Variants in PPP1R12B observed in about 807,000 individuals in gnomAD.
The protein encoded by PPP1R12B is protein phosphatase 1 regulatory subunit 12B.
Under a neutral mutation model 126.1 loss-of-function variants are expected in PPP1R12B, and 76 were observed. The ratio of observed to expected loss-of-function variants is 0.60; its 90% CI spans 0.50 to 0.73. The LOEUF (loss-of-function observed/expected upper bound fraction) is 0.73, where lower values mean the gene tolerates loss of function less well. Among genes scored for constraint, PPP1R12B ranks in the 30% least tolerant of loss-of-function variants. The pLI, the probability that PPP1R12B is intolerant of heterozygous loss-of-function variation, is 0.00. For missense variants in PPP1R12B, 1,052 were observed against 1,205.1 expected (o/e 0.87, Z 1.88); for synonymous variants, 356 against 434.7 (o/e 0.82, Z 2.25).
At position 202,436,405 on chromosome 1, in the gene PPP1R12B, G is replaced by T. The variant is rs545991892; in HGVS notation, c.1255-1416G>T. On this transcript the variant is annotated intron_variant, in intron 9 of 23. Transcript: ENST00000608999. ...TATTGAACCCCTAAAGCTGGAAGGG[G>T]TACGTAAATGTGTACATTCAGATGA... Among the ~76,000 whole-genome samples, 89 of 152,118 alleles carry T rather than the reference G, an allele frequency of 5.9e-4. 1 individual carries two copies. Among genetic ancestry groups the T allele is most frequent in the Non-Finnish European group, 8.7e-4 (59 of 68,020 alleles).
intron 18 of PPP1R12B, among the ~76,000 whole-genome samples, chr1:202,516,727 C>T (rs1291349614): frequency 3.3e-5 from 5 of 152,146 alleles, no homozygotes; most frequent in East Asian, 3.9e-4. Context: ...AAATTGTTTT[C>T]CCCTAACAAT....
At chr1:202,394,479 G>A (rs1664630256) in intron 1 of PPP1R12B, among the ~76,000 whole-genome samples, 1 of 152,116 alleles carries the variant, frequency 6.6e-6, no homozygotes, top group Non-Finnish European at 1.5e-5. Context: ...TTGGGGCCGG[G>A]CACAGTGGCT....
At chr1:202,387,650 A>G (rs1663378511) in intron 1 of PPP1R12B, among the ~76,000 whole-genome samples, 1 of 152,188 alleles carries the variant, frequency 6.6e-6, no homozygotes, top group African/African-American at 2.4e-5. Flanking sequence ...TGATTTATTA[A>G]AAGGCCAGTC....
intron 1 of PPP1R12B, among the ~76,000 whole-genome samples, chr1:202,351,404 A>G (rs567720752): frequency 6.6e-6 from 1 of 152,144 alleles, no homozygotes; most frequent in East Asian, 1.9e-4. Flanking sequence ...ATGCCCAGCT[A>G]ATTTTTGTAT....
intron 1 of PPP1R12B, among the ~76,000 whole-genome samples, chr1:202,377,080 C>A (rs920833495): frequency 6.6e-6 from 1 of 152,096 alleles, no homozygotes; most frequent in Non-Finnish European, 1.5e-5. Flanking sequence ...AGATTGGATA[C>A]CCCTGTTAAC....
chr1:202,481,320 G>A (rs950632458), intron 13 of PPP1R12B, among the ~76,000 whole-genome samples: 9 of 152,200 alleles, frequency 5.9e-5, no homozygotes, highest in East Asian at 1.9e-4. Context: ...AATATCTCCC[G>A]ATTATCTGAG....
intron 1 of PPP1R12B, among the ~76,000 whole-genome samples, chr1:202,392,104 G>C (rs1172952232): frequency 3.5e-5 from 5 of 144,904 alleles, no homozygotes; most frequent in Middle Eastern, 3.4e-3. Flanking sequence ...ATTATCTTCA[G>C]GTGTACTGAA....
At chr1:202,442,356 T>C in intron 11 of PPP1R12B, 91 bp from the exon 12 acceptor site, 1 of 1,404,772 alleles carries the variant, frequency 7.1e-7, no homozygotes, top group Non-Finnish European at 9.6e-7. Context: ...TGTTATAGTT[T>C]GCCTGTCTGG....
intron 18 of PPP1R12B, among the ~76,000 whole-genome samples, chr1:202,546,000 A>G (rs907690827): frequency 6.6e-6 from 1 of 152,194 alleles, no homozygotes; most frequent in Non-Finnish European, 1.5e-5. Flanking sequence ...TAAAGGAATG[A>G]AGATTTGAAG....
At position 202,535,607 on chromosome 1, in the gene PPP1R12B, TAAC is replaced by T. The variant is rs534069106; in HGVS notation, c.2491-23266_2491-23264del. On this transcript the variant is annotated intron_variant, in intron 18 of 23. Transcript: ENST00000608999. ...CTACCTGGTGCTCTTAATTCCATTATAACAACGCCCTAAAGTTTATAGACTTTT... is the reference window on the plus strand; with the variant it reads ...CTACCTGGTGCTCTTAATTCCATTATAACGCCCTAAAGTTTATAGACTTTT... Among the ~76,000 whole-genome samples the T allele has an allele frequency of 3.5e-3, 532 of 152,348 alleles. 3 individuals are homozygous for T. The highest frequency in any genetic ancestry group is 5.6e-3 in the Non-Finnish European group (379 of 68,022).
chr1:202,519,774 C>T (rs1682570648), intron 18 of PPP1R12B, among the ~76,000 whole-genome samples: 1 of 152,148 alleles, frequency 6.6e-6, no homozygotes, highest in Non-Finnish European at 1.5e-5. Flanking sequence ...ACACATATAT[C>T]TGGTCAGTTT....
At chr1:202,426,649 C>A (rs1418292669) in intron 4 of PPP1R12B, among the ~76,000 whole-genome samples, 1 of 152,088 alleles carries the variant, frequency 6.6e-6, no homozygotes, top group East Asian at 1.9e-4. Context: ...ATGACCACAG[C>A]CTATTAGAGT....
intron 19 of PPP1R12B, among the ~76,000 whole-genome samples, chr1:202,559,946 A>G (rs1161073953): frequency 6.6e-6 from 1 of 152,212 alleles, no homozygotes. Flanking sequence ...TGTACCAATT[A>G]AAACAGTGAA....
chr1:202,576,574 A>T (rs1053411100), intron 23 of PPP1R12B: 1 of 152,244 alleles, frequency 6.6e-6, no homozygotes, highest in Non-Finnish European at 1.5e-5. Context: ...TGTTAGGTCC[A>T]GACTCCATGC....
At position 202,349,026 on chromosome 1, in the gene PPP1R12B, G is replaced by T. The variant is rs772284075; in HGVS notation, c.175G>T (p.Gly59Cys). Residue 59 changes from glycine (G) to cysteine (C), a missense_variant, in exon 1 of 24, where the codon GGT becomes TGT. Physicochemically the swap from Gly to Cys is radical, Grantham distance 159. Transcript: ENST00000608999. ...RGSPRVRFED[G>C]AVFLAACSSG... ...GAGCCCCAGGGTCCGCTTCGAGGAC[G>T]GTGCTGTCTTTCTGGCCGCCTGCTC... 1 of 1,612,442 alleles carries T rather than the reference G, an allele frequency of 6.2e-7. No individual in the cohort carries two copies. Among genetic ancestry groups the T allele is most frequent in the Admixed American group, 1.7e-5 (1 of 59,676 alleles).
rs75430044 is a variant in PPP1R12B at position 202,380,938 on chromosome 1, G to C, written c.291+31796G>C. Reference sequence around the variant, plus strand: ...TAATTAATTGGATTGCACTGATAGTGCTAGAATTTATAAAGCAATTACTTC... The same window carrying C: ...TAATTAATTGGATTGCACTGATAGTCCTAGAATTTATAAAGCAATTACTTC... On this transcript the variant is annotated intron_variant, in intron 1 of 23. Coordinates refer to ENST00000608999, the MANE Select transcript of PPP1R12B (RefSeq NM_002481.4). Among the ~76,000 whole-genome samples the C allele has an allele frequency of 4.3e-3, 650 of 152,298 alleles. 3 individuals are homozygous for C. The highest frequency in any genetic ancestry group is 0.015 in the African/African-American group (622 of 41,554).
chr1:202,563,626 T>TAAAAA (rs56149958), intron 20 of PPP1R12B, among the ~76,000 whole-genome samples: 14 of 120,302 alleles, frequency 1.2e-4, no homozygotes, highest in South Asian at 5.3e-4. Context: ...TTGGTGTTAG[T>TAAAAA]AAAAAAAAAA....
At chr1:202,404,656 C>A (rs1463767776) in intron 1 of PPP1R12B, among the ~76,000 whole-genome samples, 2 of 152,026 alleles carry the variant, frequency 1.3e-5, no homozygotes, top group African/African-American at 2.4e-5. Context: ...TGTGCCACCA[C>A]GCCTGGCTAA....
chr1:202,570,052 AATGCATG>A (rs577384916), intron 23 of PPP1R12B, among the ~76,000 whole-genome samples: 3 of 152,212 alleles, frequency 2.0e-5, no homozygotes, highest in Non-Finnish European at 4.4e-5. Flanking sequence ...TGATTCCTGC[AATGCATG>A]ATGACACATG....
Sources: allele counts gnomAD v4.1 joint callset (sites outside exome capture counted in the v4.1 genomes callset), GRCh38; gene constraint gnomAD v4.1.1; transcripts MANE v1.5; gene names NCBI Gene and HGNC (gene_info 2026-07-23, HGNC 2026-07-21).